SYNPO: variants seen among roughly 807,000 people sequenced by gnomAD.
The protein encoded by SYNPO is synaptopodin.
SYNPO carries 19 observed loss-of-function variants against 49.5 expected under a neutral mutation model. The ratio of observed to expected loss-of-function variants is 0.38; its 90% CI spans 0.27 to 0.56. The LOEUF (loss-of-function observed/expected upper bound fraction) is 0.56, where lower values mean the gene tolerates loss of function less well. Among genes scored for constraint, SYNPO ranks in the 20% least tolerant of loss-of-function variants. The probability of loss-of-function intolerance (pLI) is 0.68; values close to 1 mark genes in which losing one functional copy is unlikely to be tolerated. For missense variants in SYNPO, 1,131 were observed against 1,248.3 expected (o/e 0.91, Z 1.42); for synonymous variants, 536 against 548.0 (o/e 0.98, Z 0.31).
At chr5:150,633,561 G>T (rs751283514) in intron 2 of SYNPO, among the ~76,000 whole-genome samples, 2 of 152,190 alleles carry the variant, frequency 1.3e-5, no homozygotes, top group Non-Finnish European at 2.9e-5. Flanking sequence ...TACACTGGGG[G>T]CTGGGAGTCA....
In SYNPO at chr5:150,649,261, C is replaced by T. The variant is rs1409979875; in HGVS notation, c.986C>T (p.Pro329Leu). The change falls in exon 2 of 3, where the codon CCT becomes CTT. Residue 329 changes from proline (P) to leucine (L), a missense_variant. By Grantham distance (98) the Pro-to-Leu change is moderately conservative. This residue lies in a region of SYNPO where 602 missense variants were observed against 720.7 expected (regional missense o/e 0.84). Transcript: ENST00000307662. ...PTYTETLSTA[P>L]LASWVRSPPS... ...TACACTGAGACCTTGTCCACAGCCC[C>T]TCTGGCTTCCTGGGTGAGGTCTCCT... 1 of 1,614,232 alleles carries T rather than the reference C, an allele frequency of 6.2e-7. No individual in the cohort carries two copies. The highest frequency in any genetic ancestry group is 1.7e-5 in the Admixed American group (1 of 60,032).
In SYNPO at chr5:150,656,630, A is replaced by T. The variant is rs772171322; in HGVS notation, c.2255A>T (p.Gln752Leu). ...ACCGAGGCGCGGCCCCCCAGCCGCC[A>T]GCTGCAGGCGCTTCTGGCGCGAAAC... ...PETEARPPSR[Q>L]LQALLARNII... The change falls in exon 3 of 3, where the codon CAG becomes CTG. Residue 752 changes from glutamine (Q) to leucine (L), a missense_variant. Coordinates refer to ENST00000307662, the MANE Select transcript of SYNPO (RefSeq NM_007286.6). The T allele has an allele frequency of 6.6e-7, 1 of 1,510,180 alleles. No individual in the cohort carries two copies. The highest frequency in any genetic ancestry group is 1.2e-5 in the South Asian group (1 of 81,348). The allele number at this position is 1,510,180 out of a possible 1,614,324, so 93.5% of individuals were successfully genotyped here.
At chr5:150,596,310 C>T (rs1561626250), upstream of SYNPO, among the ~76,000 whole-genome samples, 1 of 152,190 alleles carries the variant, frequency 6.6e-6, no homozygotes, top group Admixed American at 6.5e-5. Context: ...TCCCGCAAAT[C>T]CAGCAGTCAC....
In SYNPO at chr5:150,618,781, C is replaced by T. The variant is rs1368497896; in HGVS notation, c.400+14C>T. ...CCCAGAAACCAGGTAAGCTTGTGTT[C>T]CTTTTCCCTTGGACTACCAGAGTCA... On this transcript the variant is annotated intron_variant, in intron 2 of 2. Coordinates refer to the SYNPO transcript ENST00000394243. 3 of 1,550,910 alleles carry T rather than the reference C, an allele frequency of 1.9e-6. No individual in the cohort carries two copies. The East Asian group carries it at 7.3e-5, about 38-fold the overall frequency.
Position 150,647,997 on chromosome 5 carries a change from C to T in SYNPO, c.-279C>T, listed in dbSNP as rs756242430. ...GAAGGATCTGAAAGAAGCCAAGGCGCGGAGCCAGCAGATTGCAGCCCAGCT... is the reference window on the plus strand; with the variant it reads ...GAAGGATCTGAAAGAAGCCAAGGCGTGGAGCCAGCAGATTGCAGCCCAGCT... On this transcript the variant is annotated 5_prime_UTR_variant, in exon 2 of 3. Coordinates refer to ENST00000307662, the MANE Select transcript of SYNPO (RefSeq NM_007286.6). 20 of 1,551,858 alleles carry T rather than the reference C, an allele frequency of 1.3e-5. No homozygotes were observed. Among genetic ancestry groups the T allele is most frequent in the East Asian group, 2.4e-5 (1 of 41,056 alleles).
chr5:150,629,228 G>A (rs1757461534), intron 2 of SYNPO, among the ~76,000 whole-genome samples: 1 of 152,112 alleles, frequency 6.6e-6, no homozygotes, highest in African/African-American at 2.4e-5. Context: ...GCCCAGACTG[G>A]TCTTGAACTC....
intron 1 of SYNPO, among the ~76,000 whole-genome samples, chr5:150,609,334 G>A (rs7722566): frequency 0.28 from 41,907 of 151,902 alleles, 6,637 homozygotes; most frequent in Middle Eastern, 0.44. Flanking sequence ...CACTCTTGTC[G>A]CCCAGGCTGG....
At chr5:150,637,912 T>C (rs946592815), upstream of SYNPO, among the ~76,000 whole-genome samples, 1 of 152,084 alleles carries the variant, frequency 6.6e-6, no homozygotes, top group Admixed American at 6.5e-5. Context: ...GGGGCAGTTA[T>C]GTAACCCACC....
rs778201170 is a variant in SYNPO at position 150,656,513 on chromosome 5, G to GGAGCAGCAT, written c.2146_2154dup (p.Met716_Ser718dup). Reference sequence around the variant, plus strand: ...CCGGGCCCGTGGGAGCCAGGTCGCGGGAGCAGCATGAGCAGCCCCCCGCCG... The same window carrying GGAGCAGCAT: ...CCGGGCCCGTGGGAGCCAGGTCGCGGGAGCAGCATGAGCAGCATGAGCAGCCCCCCGCCG... On this transcript the variant is annotated inframe_insertion, in exon 3 of 3. Coordinates refer to ENST00000307662, the MANE Select transcript of SYNPO (RefSeq NM_007286.6). 28 of 1,531,772 alleles carry GGAGCAGCAT rather than the reference G, an allele frequency of 1.8e-5. 1 individual carries two copies. The East Asian group carries it at 2.0e-4, about 11-fold the overall frequency. 94.9% of individuals were successfully genotyped at this position (1,531,772 alleles called of 1,614,324 possible). A position where few individuals can be genotyped will look rare whatever the true frequency, so the allele number is the denominator to read the frequency against.
chr5:150,613,710 G>GGTCT (rs1309202736), intron 1 of SYNPO, among the ~76,000 whole-genome samples: 1 of 152,110 alleles, frequency 6.6e-6, no homozygotes, highest in African/African-American at 2.4e-5. Flanking sequence ...GAGGAATGAG[G>GGTCT]GTCTAGTCTT....
intron 1 of SYNPO, among the ~76,000 whole-genome samples, chr5:150,616,340 C>T (rs1756983084): frequency 6.6e-6 from 1 of 152,198 alleles, no homozygotes; most frequent in Non-Finnish European, 1.5e-5. Flanking sequence ...TCTCACTGCT[C>T]CCCATTTTGC....
upstream of SYNPO, among the ~76,000 whole-genome samples, chr5:150,598,528 G>A (rs547085396): frequency 6.6e-5 from 10 of 152,334 alleles, no homozygotes; most frequent in Non-Finnish European, 2.9e-5. Flanking sequence ...CATGTGAAAC[G>A]CTTAGTACAG....
chr5:150,595,622 A>G, the SYNPO span, among the ~76,000 whole-genome samples: 1 of 152,208 alleles, frequency 6.6e-6, no homozygotes, highest in Non-Finnish European at 1.5e-5. Flanking sequence ...AGAGACCCAC[A>G]ATGTCATTCC....
At chr5:150,637,642 C>T (rs987618223), upstream of SYNPO, among the ~76,000 whole-genome samples, 3 of 152,158 alleles carry the variant, frequency 2.0e-5, no homozygotes, top group African/African-American at 4.8e-5. Context: ...CTGGTGATGA[C>T]GCCTCCTGGG....
intron 1 of SYNPO, among the ~76,000 whole-genome samples, chr5:150,602,526 G>C (rs917837029): frequency 2.0e-5 from 3 of 152,204 alleles, no homozygotes; most frequent in Non-Finnish European, 4.4e-5. Context: ...ATGAATAAAA[G>C]CCGGGGATCA....
chr5:150,655,275 G>A (rs996927222), intron 2 of SYNPO, among the ~76,000 whole-genome samples: 3 of 152,330 alleles, frequency 2.0e-5, no homozygotes, highest in East Asian at 3.9e-4. Flanking sequence ...CTTGGCTGAA[G>A]AGCCAGGTTC....
intron 1 of SYNPO, among the ~76,000 whole-genome samples, chr5:150,647,207 C>T (rs191802001): frequency 4.4e-4 from 67 of 150,716 alleles, no homozygotes; most frequent in African/African-American, 1.4e-3. Context: ...TGCGCCGCTG[C>T]GCTCTAGCCT....
intron 2 of SYNPO, among the ~76,000 whole-genome samples, chr5:150,621,418 C>T (rs181754397): frequency 1.3e-5 from 2 of 152,216 alleles, no homozygotes; most frequent in Admixed American, 6.5e-5. Context: ...AGTCAAAATC[C>T]GGTGGTCTTG....
chr5:150,634,107 G>T (rs1757629878), intron 2 of SYNPO, among the ~76,000 whole-genome samples: 1 of 152,104 alleles, frequency 6.6e-6, no homozygotes, highest in African/African-American at 2.4e-5. Context: ...TAAGATCATG[G>T]ACTCTAAAGC....
Sources: allele counts gnomAD v4.1 joint callset (sites outside exome capture counted in the v4.1 genomes callset), GRCh38; gene constraint gnomAD v4.1.1; regional missense constraint gnomAD v4.1.1; transcripts MANE v1.5; gene names NCBI Gene and HGNC (gene_info 2026-07-23, HGNC 2026-07-21).